The following GPSM2 variants were observed in gnomAD, a reference collection of about 807,000 sequenced individuals.
GPSM2 encodes the protein G protein signaling modulator 2.
A neutral mutation model predicts 78.4 loss-of-function variants in GPSM2; 58 were observed. That is an observed-to-expected ratio of 0.74 (90% CI 0.60 to 0.92). The LOEUF (loss-of-function observed/expected upper bound fraction) is 0.92. Ranked by LOEUF, GPSM2 falls within the 40% of genes least tolerant of loss-of-function variation. The probability of loss-of-function intolerance (pLI) is 0.00; values close to 1 mark genes in which losing one functional copy is unlikely to be tolerated. For synonymous variants in GPSM2, 224 were observed against 280.2 expected (o/e 0.80, Z 2.00); for missense variants, 700 against 815.5 (o/e 0.86, Z 1.73).
In GPSM2 at chr1:108,930,471, T is replaced by G. The variant is rs1449968008; in HGVS notation, c.*531T>G. ...AAGTCAGTATAAAAGAAACTCTACT[T>G]CTTGGGCTGGGCATGGTGGCTCATT... is the stretch of plus-strand genomic sequence containing the variant. On this transcript the variant is annotated 3_prime_UTR_variant, in exon 15 of 15. Transcript: ENST00000264126. 1 of 153,378 alleles carries G rather than the reference T, an allele frequency of 6.5e-6. No homozygotes were observed. The highest frequency in any genetic ancestry group is 2.4e-5 in the African/African-American group (1 of 41,402). 9.5% of individuals were successfully genotyped at this position (153,378 alleles called of 1,614,324 possible).
At chr1:108,906,803 G>A (rs960862796) in intron 10 of GPSM2, among the ~76,000 whole-genome samples, 4 of 152,110 alleles carry the variant, frequency 2.6e-5, no homozygotes, top group Non-Finnish European at 5.9e-5. Flanking sequence ...GCTTGAACCT[G>A]GGAGGAGGGT....
intron 11 of GPSM2, among the ~76,000 whole-genome samples, chr1:108,917,649 T>TG (rs1650365676): frequency 1.1e-5 from 1 of 94,658 alleles, no homozygotes; most frequent in East Asian, 5.9e-4. Flanking sequence ...TATATATATA[T>TG]ATATATATAT....
intron 14 of GPSM2, chr1:108,926,563 T>C (rs1651131744): frequency 6.6e-6 from 1 of 152,146 alleles, no homozygotes; most frequent in Non-Finnish European, 1.5e-5. Context: ...GTGGGACTTA[T>C]TCCCAGGACG....
intron 1 of GPSM2, among the ~76,000 whole-genome samples, chr1:108,878,688 A>G (rs772784890): frequency 1.3e-5 from 2 of 152,200 alleles, no homozygotes; most frequent in Non-Finnish European, 2.9e-5. Context: ...TTCTAAATTT[A>G]TTTGAATATA....
At chr1:108,906,800 C>A (rs1162999267) in intron 10 of GPSM2, among the ~76,000 whole-genome samples, 1 of 152,144 alleles carries the variant, frequency 6.6e-6, no homozygotes, top group Non-Finnish European at 1.5e-5. Flanking sequence ...ATCGCTTGAA[C>A]CTGGGAGGAG....
Position 108,914,086 on chromosome 1 carries a change from G to A in GPSM2, c.1193-252G>A, listed in dbSNP as rs931496458. ...TGCCTTTTTCAAATTAAGGGGTAAT[G>A]TAGTAACCAGTGTTAGTTTCCAACC... On this transcript the variant is annotated intron_variant, in intron 10 of 14. Coordinates refer to ENST00000264126, the MANE Select transcript of GPSM2 (RefSeq NM_013296.5). 2.0e-4 allele frequency among the ~76,000 whole-genome samples: 31 copies of A among 152,198 alleles called. 1 individual carries two copies. Among genetic ancestry groups the A allele is most frequent in the Admixed American group, 6.5e-4 (10 of 15,276 alleles).
At chr1:108,911,189 T>C (rs1649711729) in intron 10 of GPSM2, among the ~76,000 whole-genome samples, 2 of 152,230 alleles carry the variant, frequency 1.3e-5, no homozygotes, top group Middle Eastern at 6.8e-3. Flanking sequence ...AGTATAGCTA[T>C]GTTAATAGAT....
At chr1:108,913,759 C>G (rs74113536) in intron 10 of GPSM2, among the ~76,000 whole-genome samples, 11,452 of 151,694 alleles carry the variant, frequency 0.075, 471 homozygotes, top group Non-Finnish European at 0.086. Flanking sequence ...TAAAATATTG[C>G]CTAATATTTT....
chr1:108,878,387 G>A (rs1166945602), intron 1 of GPSM2, among the ~76,000 whole-genome samples: 1 of 151,980 alleles, frequency 6.6e-6, no homozygotes, highest in Non-Finnish European at 1.5e-5. Context: ...CGGTTTCAAA[G>A]TAAAAAGTTG....
intron 10 of GPSM2, among the ~76,000 whole-genome samples, chr1:108,906,884 G>A (rs1388961349): frequency 6.6e-6 from 1 of 152,126 alleles, no homozygotes; most frequent in Non-Finnish European, 1.5e-5. Context: ...GACCTCCTAG[G>A]CTGAAGTGAT....
chr1:108,892,415 A>G (rs1053654063), intron 2 of GPSM2, among the ~76,000 whole-genome samples: 6 of 152,224 alleles, frequency 3.9e-5, no homozygotes, highest in African/African-American at 1.2e-4. Context: ...TTGAAATGAC[A>G]TGAGTTTGCA....
intron 10 of GPSM2, among the ~76,000 whole-genome samples, chr1:108,907,080 C>A (rs1024305596): frequency 6.6e-6 from 1 of 152,228 alleles, no homozygotes; most frequent in African/African-American, 2.4e-5. Context: ...CTGAACCTAT[C>A]TCTTCAGCCT....
At chr1:108,900,143 T>G (rs893061449) in intron 7 of GPSM2, among the ~76,000 whole-genome samples, 2 of 152,054 alleles carry the variant, frequency 1.3e-5, no homozygotes, top group Non-Finnish European at 2.9e-5. Flanking sequence ...TGAAACTTAG[T>G]TTTTTTCCTC....
chr1:108,915,935 G>A (rs760185571), intron 11 of GPSM2, among the ~76,000 whole-genome samples: 28 of 151,930 alleles, frequency 1.8e-4, no homozygotes, highest in Admixed American at 3.9e-4. Flanking sequence ...TCTAATATGT[G>A]GTGATCTATC....
intron 11 of GPSM2, among the ~76,000 whole-genome samples, chr1:108,917,680 T>C (rs1650381003): frequency 1.1e-5 from 1 of 87,820 alleles, no homozygotes; most frequent in Non-Finnish European, 2.3e-5. Flanking sequence ...GAGTTCTCAC[T>C]ATGTTGTCCA....
At chr1:108,897,151 TATTCA>T in intron 3 of GPSM2, 66 bp downstream of exon 3, 2 of 1,197,696 alleles carry the variant, frequency 1.7e-6, no homozygotes, top group Non-Finnish European at 2.4e-6. Context: ...AAAATATTTC[TATTCA>T]ATTAACAAAA....
intron 2 of GPSM2, among the ~76,000 whole-genome samples, chr1:108,888,766 G>A (rs1033649562): frequency 2.0e-5 from 3 of 152,292 alleles, no homozygotes; most frequent in African/African-American, 4.8e-5. Context: ...AACATATTTA[G>A]GAAATGGGAG....
chr1:108,897,867 C>A, intron 4 of GPSM2, 92 bp from the exon 5 acceptor site: 1 of 1,361,092 alleles, frequency 7.3e-7, no homozygotes, highest in Non-Finnish European at 1.0e-6. Context: ...AAATTTTTTT[C>A]CCTTGTCCGT....
intron 2 of GPSM2, among the ~76,000 whole-genome samples, chr1:108,886,251 A>T (rs1278190976): frequency 6.6e-6 from 1 of 152,216 alleles, no homozygotes; most frequent in Non-Finnish European, 1.5e-5. Flanking sequence ...TGTTTTAAAT[A>T]TGTACCTAAT....
Sources: gnomAD v4.1 joint callset for allele counts (sites outside exome capture counted in the v4.1 genomes callset) on GRCh38, gnomAD v4.1.1 for gene constraint, MANE v1.5 for transcripts, NCBI Gene and HGNC (gene_info 2026-07-23, HGNC 2026-07-21) for gene names.